The following LYPLA2 variants were observed in gnomAD, a reference collection of about 807,000 sequenced individuals.
LYPLA2 encodes lysophospholipase 2.
Under a neutral mutation model 30.3 loss-of-function variants are expected in LYPLA2, and 7 were observed. The observed-to-expected ratio is 0.23, with a 90% CI of 0.13 to 0.43. The LOEUF (loss-of-function observed/expected upper bound fraction) is 0.43, where lower values mean the gene tolerates loss of function less well. LYPLA2 is among the 20% of genes least tolerant of loss of function. The pLI, the probability that LYPLA2 is intolerant of heterozygous loss-of-function variation, is 1.00. For synonymous variants in LYPLA2, 112 were observed against 118.2 expected (o/e 0.95, Z 0.34); for missense variants, 206 against 307.9 (o/e 0.67, Z 2.48).
At chr1:23,792,587 G>C (rs1638817684) in intron 1 of LYPLA2, 70 bp from the exon 2 acceptor site, 13 of 913,826 alleles carry the variant, frequency 1.4e-5, no homozygotes, top group Non-Finnish European at 2.0e-5. Context: ...CTGATGGCCT[G>C]GTGGCCTCTT....
Position 23,794,583 on chromosome 1 carries a change from C to T in LYPLA2, c.628C>T (p.His210Tyr). 2 of 1,614,154 alleles carry T rather than the reference C, an allele frequency of 1.2e-6. No homozygotes were observed. Among genetic ancestry groups the T allele is most frequent in the Non-Finnish European group, 1.7e-6 (2 of 1,180,024 alleles). ...VQFKTYPGVMHSSCPQEMAAV... is the reference protein window; with the variant it reads ...VQFKTYPGVMYSSCPQEMAAV... Reference sequence around the variant, plus strand: ...GTTCAAGACATACCCGGGTGTCATGCACAGCTCCTGTCCTCAGGTCAGTGG... The same window carrying T: ...GTTCAAGACATACCCGGGTGTCATGTACAGCTCCTGTCCTCAGGTCAGTGG... The change falls in exon 9 of 10, where the codon CAC becomes TAC. Residue 210 changes from histidine (H) to tyrosine (Y), a missense_variant. Coordinates refer to ENST00000374514, the MANE Select transcript of LYPLA2 (RefSeq NM_007260.3). The surrounding 1 kb of genome is among the most constrained non-coding windows in gnomAD (Gnocchi z 5.9).
Position 23,794,513 on chromosome 1 carries a change from G to C in LYPLA2, c.558G>C (p.Leu186=). ...DPMVPVRFGA[L]TAEKLRSVVT... is the part of the protein sequence containing the mutation. ...TGGTGCCCGTACGGTTTGGGGCCCT[G>C]ACGGCTGAGAAGCTCCGGTCTGTTG... The change falls in exon 9 of 10, where the codon CTG becomes CTC. Residue 186 remains leucine (L), a synonymous_variant. Transcript: ENST00000374514. The surrounding 1 kb of genome is among the most constrained non-coding windows in gnomAD (Gnocchi z 5.9). 3 of 1,614,116 alleles carry C rather than the reference G, an allele frequency of 1.9e-6. No individual in the cohort carries two copies. The highest frequency in any genetic ancestry group is 2.5e-6 in the Non-Finnish European group (3 of 1,180,000).
Position 23,793,571 on chromosome 1 carries a change from C to T in LYPLA2, c.177-134C>T. 1.1e-6 allele frequency: 1 copy of T among 911,768 alleles called. No individual in the cohort carries two copies. Among genetic ancestry groups the T allele is most frequent in the Non-Finnish European group, 1.8e-6 (1 of 562,092 alleles). The allele number at this position is 911,768 out of a possible 1,614,324, so 56.5% of individuals were successfully genotyped here. A position where few individuals can be genotyped will look rare whatever the true frequency, so the allele number is the denominator to read the frequency against. On this transcript the variant is annotated intron_variant, in intron 4 of 9. Coordinates refer to ENST00000374514, the MANE Select transcript of LYPLA2 (RefSeq NM_007260.3). The surrounding 1 kb of genome is among the most constrained non-coding windows in gnomAD (Gnocchi z 6.0). ...CCTCCAGCCCCACGTGGCAGGTTGCCTGGCAACACCTTAAACACAGGCCCT... is the reference window on the plus strand; with the variant it reads ...CCTCCAGCCCCACGTGGCAGGTTGCTTGGCAACACCTTAAACACAGGCCCT...
In LYPLA2 at chr1:23,793,621, G is replaced by A. The variant is rs1638845633; in HGVS notation, c.177-84G>A. The stretch of plus-strand genomic sequence containing the variant: ...TGCCTGCTGGGAGGGGCCACCAGGG[G>A]CGGCGCGGCCCCACTCCGGGCTCTG... On this transcript the variant is annotated intron_variant, in intron 4 of 9. Transcript: ENST00000374514. This position sits in a 1 kb window ranked among gnomAD's most constrained non-coding sequence, Gnocchi z 6.0. 6 of 1,400,820 alleles carry A rather than the reference G, an allele frequency of 4.3e-6. No individual in the cohort carries two copies. Among genetic ancestry groups the A allele is most frequent in the Non-Finnish European group, 6.1e-6 (6 of 986,400 alleles). The allele number at this position is 1,400,820 out of a possible 1,614,324, so 86.8% of individuals were successfully genotyped here.
chr1:23,794,116 G>A lies in LYPLA2; in HGVS notation c.349G>A (p.Val117Ile), dbSNP rs1301660676. 5.6e-6 allele frequency: 9 copies of A among 1,610,146 alleles called. No individual in the cohort carries two copies. The highest frequency in any genetic ancestry group is 7.6e-6 in the Non-Finnish European group (9 of 1,178,288). Residue 117 changes from valine (V) to isoleucine (I), a missense_variant, in exon 7 of 10, where the codon GTC (valine) becomes ATC (isoleucine). Coordinates refer to ENST00000374514, the MANE Select transcript of LYPLA2 (RefSeq NM_007260.3). The surrounding 1 kb of genome is among the most constrained non-coding windows in gnomAD (Gnocchi z 5.9). The part of the protein sequence containing the change: ...MKNGIPANRI[V>I]LGGFSQGGAL... ...GAACGGGATCCCTGCCAATCGAATCGTCCTGGGAGGCTTTTCACAGGTGAG... is the reference window on the plus strand; with the variant it reads ...GAACGGGATCCCTGCCAATCGAATCATCCTGGGAGGCTTTTCACAGGTGAG...
Position 23,793,960 on chromosome 1 carries a change from C to T in LYPLA2, c.295+30C>T. The T allele has an allele frequency of 6.2e-7, 1 of 1,603,066 alleles. No homozygotes were observed. ...GACCCCAGCCCCTCCTCCACATCCT[C>T]CTTCCCCTGCCCCCCAGGAAAGCGC... On this transcript the variant is annotated intron_variant, in intron 6 of 9. Transcript: ENST00000374514. The surrounding 1 kb of genome is among the most constrained non-coding windows in gnomAD (Gnocchi z 6.0).
chr1:23,792,443 C>T, intron 1 of LYPLA2: 1 of 552,036 alleles, frequency 1.8e-6, no homozygotes, highest in Admixed American at 3.3e-5. Context: ...ACCAGAGACA[C>T]ATGTTCTGGG....
Position 23,794,762 on chromosome 1 carries a change from G to A in LYPLA2, c.*30G>A. The A allele has an allele frequency of 6.2e-7, 1 of 1,612,068 alleles. No individual in the cohort carries two copies. Among genetic ancestry groups the A allele is most frequent in the Non-Finnish European group, 8.5e-7 (1 of 1,178,354 alleles). On this transcript the variant is annotated 3_prime_UTR_variant, in exon 10 of 10. Coordinates refer to ENST00000374514, the MANE Select transcript of LYPLA2 (RefSeq NM_007260.3). The surrounding 1 kb of genome is among the most constrained non-coding windows in gnomAD (Gnocchi z 5.9). ...TCGCTGGCCCCAGTGCAGTACCCCAGCTCATGGGGGACTCAGCAAGCAAGC... is the reference window on the plus strand; with the variant it reads ...TCGCTGGCCCCAGTGCAGTACCCCAACTCATGGGGGACTCAGCAAGCAAGC...
Position 23,795,200 on chromosome 1 carries a change from C to T in LYPLA2, c.*468C>T. On this transcript the variant is annotated 3_prime_UTR_variant, in exon 10 of 10. Transcript: ENST00000374514. ...TTCTCAGTCATGAATGTGGCCATGG[C>T]CCCGGGGTCCCCTTGCTGCTGTGGG... 1 of 297,454 alleles carries T rather than the reference C, an allele frequency of 3.4e-6. No homozygotes were observed. Among genetic ancestry groups the T allele is most frequent in the South Asian group, 3.0e-5 (1 of 33,070 alleles). The allele number at this position is 297,454 out of a possible 1,614,324, so 18.4% of individuals were successfully genotyped here.
At position 23,793,738 on chromosome 1, in the gene LYPLA2, G is replaced by A; in HGVS notation, c.210G>A (p.Met70Ile). 6.2e-7 allele frequency: 1 copy of A among 1,614,096 alleles called. No individual in the cohort carries two copies. Among genetic ancestry groups the A allele is most frequent in the Non-Finnish European group, 8.5e-7 (1 of 1,179,980 alleles). The change falls in exon 5 of 10, where the codon ATG (methionine) becomes ATA (isoleucine). Residue 70 changes from methionine to isoleucine, a missense_variant. Physicochemically the swap from Met to Ile is conservative, Grantham distance 10. Coordinates refer to ENST00000374514, the MANE Select transcript of LYPLA2 (RefSeq NM_007260.3). This position sits in a 1 kb window ranked among gnomAD's most constrained non-coding sequence, Gnocchi z 6.0. ...TCCCTGTGACCCTCAACATGAAGAT[G>A]GTGATGCCCTCCTGGTGAGTTTGGG... ...PRIPVTLNMK[M>I]VMPSWFDLMG...
In LYPLA2 at chr1:23,794,120, T is replaced by A; in HGVS notation, c.353T>A (p.Leu118Gln). The A allele has an allele frequency of 1.6e-6, 2 of 1,243,130 alleles. No individual in the cohort carries two copies. The highest frequency in any genetic ancestry group is 2.1e-6 in the Non-Finnish European group (2 of 935,672). 77.0% of individuals were successfully genotyped at this position (1,243,130 alleles called of 1,614,324 possible). ...KNGIPANRIV[L>Q]GGFSQGGALS... ...GGGATCCCTGCCAATCGAATCGTCC[T>A]GGGAGGCTTTTCACAGGTGAGGGGA... The change falls in exon 7 of 10, where the codon CTG (leucine) becomes CAG (glutamine). Residue 118 changes from leucine (L) to glutamine (Q), a missense_variant. By Grantham distance (113) the Leu-to-Gln change is moderately radical. Coordinates refer to ENST00000374514, the MANE Select transcript of LYPLA2 (RefSeq NM_007260.3). The surrounding 1 kb of genome is among the most constrained non-coding windows in gnomAD (Gnocchi z 5.9).
rs1638842255 is a variant in LYPLA2, at chr1:23,793,505, G to A, written c.177-200G>A. 3 of 664,568 alleles carry A rather than the reference G, an allele frequency of 4.5e-6. No homozygotes were observed. The highest frequency in any genetic ancestry group is 3.6e-5 in the African/African-American group (2 of 55,364). 41.2% of individuals were successfully genotyped at this position (664,568 alleles called of 1,614,324 possible). A position where few individuals can be genotyped will look rare whatever the true frequency, so the allele number is the denominator to read the frequency against. On this transcript the variant is annotated intron_variant, in intron 4 of 9. Transcript: ENST00000374514. This position sits in a 1 kb window ranked among gnomAD's most constrained non-coding sequence, Gnocchi z 6.0. The stretch of plus-strand genomic sequence containing the variant: ...TGGGACCCCGTCACACCAAGCGCTG[G>A]GCTCTGCTTCTCCATTACTGGCGCT...
Position 23,792,899 on chromosome 1 carries a change from T to A in LYPLA2, c.79-109T>A, listed in dbSNP as rs1020302800. 2.6e-6 allele frequency: 3 copies of A among 1,169,152 alleles called. No homozygotes were observed. In the African/African-American group the frequency reaches 4.8e-5, roughly 19 times the overall value. 72.4% of individuals were successfully genotyped at this position (1,169,152 alleles called of 1,614,324 possible). On this transcript the variant is annotated intron_variant, in intron 2 of 9. Coordinates refer to ENST00000374514, the MANE Select transcript of LYPLA2 (RefSeq NM_007260.3). ...AGCAGGCTCGGGGTAGTAACCTGTT[T>A]GGCTGCTACCTGGGTTCCCCCAGGT...
In LYPLA2 at chr1:23,794,530, G is replaced by A. The variant is rs202211008; in HGVS notation, c.575G>A (p.Arg192Gln). Residue 192 changes from arginine (R) to glutamine (Q), a missense_variant, in exon 9 of 10, where the codon CGG becomes CAG. Coordinates refer to ENST00000374514, the MANE Select transcript of LYPLA2 (RefSeq NM_007260.3). This position sits in a 1 kb window ranked among gnomAD's most constrained non-coding sequence, Gnocchi z 5.9. ...RFGALTAEKL[R>Q]SVVTPARVQF... is the part of the protein sequence containing the mutation. ...GGGGCCCTGACGGCTGAGAAGCTCC[G>A]GTCTGTTGTCACACCTGCCAGGGTC... The A allele has an allele frequency of 8.7e-6, 14 of 1,614,056 alleles. No individual in the cohort carries two copies. Among genetic ancestry groups the A allele is most frequent in the East Asian group, 4.5e-5 (2 of 44,872 alleles).
At chr1:23,792,508 T>C in intron 1 of LYPLA2, 149 bp from the exon 2 acceptor site, 1 of 624,638 alleles carries the variant, frequency 1.6e-6, no homozygotes, top group Non-Finnish European at 2.9e-6. Flanking sequence ...AGACTTCTTC[T>C]CCTGTGCCCT....
In LYPLA2 at chr1:23,794,190, G is replaced by C. The variant is rs2148406999; in HGVS notation, c.370-34G>C. On this transcript the variant is annotated intron_variant, in intron 7 of 9. Coordinates refer to ENST00000374514, the MANE Select transcript of LYPLA2 (RefSeq NM_007260.3). The surrounding 1 kb of genome is among the most constrained non-coding windows in gnomAD (Gnocchi z 5.9). ...GGTAGGGGTGGCCGGTGAGTGAGCT[G>C]TGCCCTCATGACCCCTCTCTCTCCT... 1 of 1,587,640 alleles carries C rather than the reference G, an allele frequency of 6.3e-7. No individual in the cohort carries two copies. Among genetic ancestry groups the C allele is most frequent in the African/African-American group, 1.3e-5 (1 of 74,566 alleles).
At position 23,794,713 on chromosome 1, in the gene LYPLA2, A is replaced by T. The variant is rs777182544; in HGVS notation, c.677A>T (p.Lys226Met). 3 of 1,614,172 alleles carry T rather than the reference A, an allele frequency of 1.9e-6. No individual in the cohort carries two copies. Among genetic ancestry groups the T allele is most frequent in the Non-Finnish European group, 2.5e-6 (3 of 1,180,020 alleles). The change falls in exon 10 of 10, where the codon AAG becomes ATG. Residue 226 changes from lysine to methionine, a missense_variant. Physicochemically the swap from Lys to Met is moderately conservative, Grantham distance 95. Transcript: ENST00000374514. This position sits in a 1 kb window ranked among gnomAD's most constrained non-coding sequence, Gnocchi z 5.9. The part of the protein sequence containing the change: ...EMAAVKEFLE[K>M]LLPPV ...GCAGCTGTGAAGGAATTTCTTGAGA[A>T]GCTGCTGCCTCCTGTCTAACTAGTC...
In LYPLA2 at chr1:23,794,056, C is replaced by T. The variant is rs967736597; in HGVS notation, c.296-7C>T. ...TTCCCTCTACCCACTCATGCCCCCT[C>T]CCCCAGTCAAGGCCTTGATTGAGCA... On this transcript the variant is annotated splice_polypyrimidine_tract_variant and splice_region_variant and intron_variant, in intron 6 of 9. Coordinates refer to ENST00000374514, the MANE Select transcript of LYPLA2 (RefSeq NM_007260.3). The surrounding 1 kb of genome is among the most constrained non-coding windows in gnomAD (Gnocchi z 5.9). 3 of 1,613,050 alleles carry T rather than the reference C, an allele frequency of 1.9e-6. No individual in the cohort carries two copies. The highest frequency in any genetic ancestry group is 2.2e-5 in the South Asian group (2 of 91,068).
In LYPLA2 at chr1:23,792,733, G is replaced by A. The variant is rs949142913; in HGVS notation, c.51G>A (p.Val17=). The change falls in exon 2 of 10, where the codon GTG becomes GTA. Residue 17 remains valine, a synonymous_variant. Coordinates refer to ENST00000374514, the MANE Select transcript of LYPLA2 (RefSeq NM_007260.3). ...SVPLLTDAAT[V]SGAERETAAV... ...CCCTGCTCACCGATGCTGCCACCGT[G>A]TCTGGAGCTGAGCGGGAAACGGCCG... 8 of 1,612,580 alleles carry A rather than the reference G, an allele frequency of 5.0e-6. No individual in the cohort carries two copies. The highest frequency in any genetic ancestry group is 2.2e-5 in the East Asian group (1 of 44,888).
Sources: allele counts gnomAD v4.1 joint callset, GRCh38; gene constraint gnomAD v4.1.1; non-coding constraint Gnocchi (gnomAD v3.1); transcripts MANE v1.5; gene names NCBI Gene and HGNC (gene_info 2026-07-23, HGNC 2026-07-21).